Variants in PTPRN2 observed in about 807,000 individuals in gnomAD.
PTPRN2 encodes receptor-type tyrosine-protein phosphatase N2.
Under a neutral mutation model 118.8 loss-of-function variants are expected in PTPRN2, and 74 were observed. That is an observed-to-expected ratio of 0.62 (90% CI 0.52 to 0.76). The LOEUF is 0.76. Among genes scored for constraint, PTPRN2 ranks in the 30% least tolerant of loss-of-function variants. PTPRN2 has a pLI of 0.00. For missense variants in PTPRN2, 1,481 were observed against 1,394.4 expected, an observed-to-expected ratio of 1.06 and a Z score of -0.99; for synonymous variants, 641 against 608.0, an observed-to-expected ratio of 1.05 and a Z score of -0.80.
intron 22 of PTPRN2, among the ~76,000 whole-genome samples, chr7:157,541,372 G>A (rs574884613): frequency 7.9e-5 from 12 of 152,324 alleles, no homozygotes; most frequent in East Asian, 1.9e-4. Flanking sequence ...CAGGGCATGC[G>A]CGTCCACAGC....
At chr7:158,550,287 T>C (rs575343880) in intron 1 of PTPRN2, among the ~76,000 whole-genome samples, 8 of 152,312 alleles carry the variant, frequency 5.3e-5, no homozygotes, top group African/African-American at 1.7e-4. Context: ...CCCACCAGCC[T>C]GCCCCTCAGG....
At chr7:158,046,142 C>T (rs1808846441) in intron 11 of PTPRN2, among the ~76,000 whole-genome samples, 1 of 145,746 alleles carries the variant, frequency 6.9e-6, no homozygotes, top group Admixed American at 6.9e-5. Context: ...ACACTGCAAT[C>T]CTTGCATCCT....
intron 2 of PTPRN2, among the ~76,000 whole-genome samples, chr7:158,355,533 C>A (rs1808320429): frequency 6.6e-6 from 1 of 152,240 alleles, no homozygotes; most frequent in East Asian, 1.9e-4. Context: ...TGCAGCCCTG[C>A]AATGGGCTGG....
chr7:158,566,744 C>A (rs1163250367), intron 1 of PTPRN2, among the ~76,000 whole-genome samples: 4 of 152,052 alleles, frequency 2.6e-5, no homozygotes, highest in African/African-American at 9.7e-5. Context: ...GAGACAGAGT[C>A]TCACTCTGTC....
In PTPRN2 at chr7:158,015,825, G is replaced by C. The variant is rs897460920; in HGVS notation, c.1723+65473C>G. ...AAACACATCCATTCACTACAGCCTA[G>C]TAATTAAGACAAAAATAGACACGGA... On this transcript the variant is annotated intron_variant, in intron 11 of 22. Coordinates refer to ENST00000389418, the MANE Select transcript of PTPRN2 (RefSeq NM_002847.5). The surrounding 1 kb of genome is among the most constrained non-coding windows in gnomAD (Gnocchi z 4.2). Among the ~76,000 whole-genome samples the C allele has an allele frequency of 4.0e-4, 61 of 152,290 alleles. No individual in the cohort carries two copies. Among genetic ancestry groups the C allele is most frequent in the African/African-American group, 1.4e-3 (59 of 41,562 alleles).
In PTPRN2 at chr7:158,327,374, C is replaced by G. The variant is rs531200819; in HGVS notation, c.164-10442G>C. ...ACACATGTACACATTGTCACACACA[C>G]ATTATCACATGCACACACATGCTCA... On this transcript the variant is annotated intron_variant, in intron 2 of 22. Coordinates refer to ENST00000389418, the MANE Select transcript of PTPRN2 (RefSeq NM_002847.5). Among the ~76,000 whole-genome samples, 18 of 145,330 alleles carry G rather than the reference C, an allele frequency of 1.2e-4. 1 individual carries two copies. The highest frequency in any genetic ancestry group is 4.9e-4 in the African/African-American group (18 of 36,758).
At chr7:157,884,448 A>G (rs1249894375) in intron 12 of PTPRN2, among the ~76,000 whole-genome samples, 2 of 152,216 alleles carry the variant, frequency 1.3e-5, no homozygotes, top group Non-Finnish European at 2.9e-5. Context: ...AAACCCCATC[A>G]ATGCAGAGGG....
At chr7:157,549,121 AT>A in intron 21 of PTPRN2, 102 bp from the exon 22 acceptor site, 1 of 1,122,948 alleles carries the variant, frequency 8.9e-7, no homozygotes. Flanking sequence ...TGAGAGGCCA[AT>A]TGAAAATTAT....
At chr7:158,250,728 G>T (rs996881269) in intron 3 of PTPRN2, among the ~76,000 whole-genome samples, 1 of 152,128 alleles carries the variant, frequency 6.6e-6, no homozygotes, top group Non-Finnish European at 1.5e-5. Flanking sequence ...TGAATGTTGC[G>T]CCGTAGTCCT....
intron 12 of PTPRN2, chr7:157,863,486 G>A (rs967071280): frequency 6.6e-6 from 1 of 152,232 alleles, no homozygotes; most frequent in African/African-American, 2.4e-5. Flanking sequence ...TGAACACCTG[G>A]CTGGGCCAGA....
chr7:158,196,862 A>T (rs796773751), intron 4 of PTPRN2, among the ~76,000 whole-genome samples: 8 of 152,328 alleles, frequency 5.3e-5, no homozygotes, highest in African/African-American at 1.9e-4. Context: ...ATATCCTTCA[A>T]ATACAAAGGT....
chr7:158,010,811 A>G (rs1242338726), intron 11 of PTPRN2, among the ~76,000 whole-genome samples: 2 of 152,228 alleles, frequency 1.3e-5, no homozygotes, highest in East Asian at 1.9e-4. Context: ...CTGATGACTA[A>G]GACTCCTCCT....
At chr7:158,244,612 GC>G in intron 3 of PTPRN2, among the ~76,000 whole-genome samples, 1 of 151,992 alleles carries the variant, frequency 6.6e-6, no homozygotes, top group Non-Finnish European at 1.5e-5. Context: ...GTGTGTACAA[GC>G]TATGTATGTG....
At chr7:157,569,095 GA>G in intron 20 of PTPRN2, 129 bp from the exon 21 acceptor site, 1 of 908,440 alleles carries the variant, frequency 1.1e-6, no homozygotes, top group Non-Finnish European at 1.8e-6. Context: ...GCGGATGTGA[GA>G]GGGGGAGGAA....
At chr7:157,872,980 G>A (rs1005969361) in intron 12 of PTPRN2, among the ~76,000 whole-genome samples, 4 of 152,212 alleles carry the variant, frequency 2.6e-5, no homozygotes, top group African/African-American at 7.2e-5. Context: ...TTTTCTGTCT[G>A]CACTAGAACT....
intron 11 of PTPRN2, among the ~76,000 whole-genome samples, chr7:157,932,787 C>T (rs1344152237): frequency 1.4e-5 from 2 of 141,310 alleles, no homozygotes; most frequent in Non-Finnish European, 3.0e-5. Context: ...AGGGATGAGT[C>T]ACTCCGATGG....
chr7:158,330,539 C>G (rs1804156084), intron 2 of PTPRN2, among the ~76,000 whole-genome samples: 1 of 65,338 alleles, frequency 1.5e-5, no homozygotes, highest in African/African-American at 5.1e-5. Context: ...TAAGAGCTGA[C>G]ACCCGCAGAC....
intron 1 of PTPRN2, among the ~76,000 whole-genome samples, chr7:158,543,679 A>G (rs530719276): frequency 2.6e-5 from 4 of 152,380 alleles, no homozygotes; most frequent in Middle Eastern, 6.8e-3. Context: ...CTCGTTGAAC[A>G]TGTAGTAAGT....
In PTPRN2 at chr7:157,780,730, C is replaced by T. The variant is rs1371993038; in HGVS notation, c.1789-97793G>A. Among the ~76,000 whole-genome samples, 1 of 152,220 alleles carries T rather than the reference C, an allele frequency of 6.6e-6. No homozygotes were observed. Among genetic ancestry groups the T allele is most frequent in the Non-Finnish European group, 1.5e-5 (1 of 68,046 alleles). The stretch of plus-strand genomic sequence containing the variant: ...GAATGCATGATGGGGCCACACCCAG[C>T]ACGGAGAGAGCACTTGACACTGTTG... On this transcript the variant is annotated intron_variant, in intron 12 of 22. Coordinates refer to ENST00000389418, the MANE Select transcript of PTPRN2 (RefSeq NM_002847.5). The surrounding 1 kb of genome is among the most constrained non-coding windows in gnomAD (Gnocchi z 4.5).
Sources: allele counts gnomAD v4.1 joint callset (sites outside exome capture counted in the v4.1 genomes callset), GRCh38; gene constraint gnomAD v4.1.1; non-coding constraint Gnocchi (gnomAD v3.1); transcripts MANE v1.5; gene names NCBI Gene and HGNC (gene_info 2026-07-23, HGNC 2026-07-21).